Variants in MED15 observed in about 807,000 individuals in gnomAD.
The protein encoded by MED15 is mediator complex subunit 15.
Under a neutral mutation model 118.7 loss-of-function variants are expected in MED15, and 41 were observed. That is an observed-to-expected ratio of 0.35 (90% CI 0.27 to 0.45). The LOEUF (loss-of-function observed/expected upper bound fraction) is 0.45, where lower values mean the gene tolerates loss of function less well. MED15 is among the 20% of genes least tolerant of loss of function. The pLI is 1.00. For synonymous variants in MED15, 436 were observed against 413.9 expected, an observed-to-expected ratio of 1.05 and a Z score of -0.65; for missense variants, 740 against 1,025.5, an observed-to-expected ratio of 0.72 and a Z score of 3.80.
At chr22:20,548,075 G>A (rs1252641477) in intron 2 of MED15, among the ~76,000 whole-genome samples, 2 of 152,110 alleles carry the variant, frequency 1.3e-5, no homozygotes, top group Non-Finnish European at 2.9e-5. Flanking sequence ...ACTCCTGGGT[G>A]TAAGCAATAC....
At chr22:20,521,874 C>CA (rs1457301872) in intron 1 of MED15, among the ~76,000 whole-genome samples, 1 of 151,844 alleles carries the variant, frequency 6.6e-6, no homozygotes, top group African/African-American at 2.4e-5. Flanking sequence ...TACAGGCGTG[C>CA]ACCACCATGC....
At chr22:20,515,224 G>T (rs1376871169) in intron 1 of MED15, among the ~76,000 whole-genome samples, 1 of 152,186 alleles carries the variant, frequency 6.6e-6, no homozygotes, top group African/African-American at 2.4e-5. Context: ...CCTGTTGCAG[G>T]AGTTGACAGA....
intron 1 of MED15, 144 bp from the exon 2 acceptor site, chr22:20,536,973 C>T: frequency 1.6e-6 from 1 of 634,138 alleles, no homozygotes; most frequent in Non-Finnish European, 2.7e-6. Flanking sequence ...TCCCATATGC[C>T]TCTCCTGGAC....
intron 1 of MED15, among the ~76,000 whole-genome samples, chr22:20,536,652 T>C (rs1229402667): frequency 6.6e-6 from 1 of 152,198 alleles, no homozygotes; most frequent in African/African-American, 2.4e-5. Flanking sequence ...GACTGAGAGA[T>C]GACTTCATGT....
chr22:20,525,272 CAG>C (rs1355673882), intron 1 of MED15, among the ~76,000 whole-genome samples: 1 of 151,650 alleles, frequency 6.6e-6, no homozygotes, highest in Non-Finnish European at 1.5e-5. Flanking sequence ...CTGGGCAACA[CAG>C]AGAGCCTGTC....
At chr22:20,518,802 A>G (rs2054341617) in intron 1 of MED15, 2 of 444,562 alleles carry the variant, frequency 4.5e-6, no homozygotes, top group Admixed American at 4.8e-5. Context: ...TCTCATTTTG[A>G]ACTTTTTTCC....
intron 9 of MED15, 127 bp downstream of exon 9, chr22:20,575,359 C>T: frequency 8.0e-7 from 1 of 1,251,094 alleles, no homozygotes; most frequent in African/African-American, 1.5e-5. Context: ...AGTGCCAAAC[C>T]CACAGTCCCT....
At chr22:20,570,448 G>A (rs1283036610) in intron 8 of MED15, among the ~76,000 whole-genome samples, 1 of 148,462 alleles carries the variant, frequency 6.7e-6, no homozygotes, top group East Asian at 2.0e-4. Flanking sequence ...CTGGATTGCA[G>A]TTTTGCGATC....
intron 1 of MED15, among the ~76,000 whole-genome samples, chr22:20,520,166 C>T (rs2054395720): frequency 6.6e-6 from 1 of 152,194 alleles, no homozygotes; most frequent in African/African-American, 2.4e-5. Context: ...AGCCTACGTA[C>T]CCCTTGCTTC....
intron 6 of MED15, 115 bp downstream of exon 6, chr22:20,564,803 C>T (rs1245856823): frequency 1.4e-5 from 21 of 1,514,434 alleles, no homozygotes; most frequent in African/African-American, 2.7e-5. Context: ...TCTCTTGACA[C>T]GTGTGCCTGC....
At chr22:20,555,776 C>T (rs187027940) in intron 5 of MED15, among the ~76,000 whole-genome samples, 19 of 152,370 alleles carry the variant, frequency 1.2e-4, no homozygotes, top group Admixed American at 1.2e-3. Flanking sequence ...CATTGGAGTG[C>T]AGTGGCACAA....
At chr22:20,567,058 G>A (rs1300601931) in intron 7 of MED15, among the ~76,000 whole-genome samples, 3 of 152,168 alleles carry the variant, frequency 2.0e-5, no homozygotes, top group Non-Finnish European at 1.5e-5. Flanking sequence ...TGCTACTGGG[G>A]CACCAAGTCG....
At chr22:20,544,036 T>C (rs4821947) in intron 2 of MED15, among the ~76,000 whole-genome samples, 122,070 of 152,208 alleles carry the variant, frequency 0.8, 49,009 homozygotes, top group East Asian at 0.86. Flanking sequence ...TTCCTTTGTT[T>C]CTTTAGAATC....
intron 3 of MED15, 48 bp from the exon 4 acceptor site, chr22:20,553,097 A>T (rs1461650083): frequency 1.3e-6 from 2 of 1,558,620 alleles, no homozygotes; most frequent in East Asian, 4.5e-5. Context: ...ATATGTGGTT[A>T]TATAAAACTA....
At chr22:20,575,368 C>CTTTTTT in intron 9 of MED15, 136 bp downstream of exon 9, 1 of 882,884 alleles carries the variant, frequency 1.1e-6, no homozygotes, top group Non-Finnish European at 1.6e-6. Flanking sequence ...CCCACAGTCC[C>CTTTTTT]TTTTTTTTTT....
At chr22:20,582,166 CG>C (rs772187378) in intron 9 of MED15, 2 of 227,526 alleles carry the variant, frequency 8.8e-6, no homozygotes, top group Non-Finnish European at 1.7e-5. Flanking sequence ...CTGGGGGCTG[CG>C]GGGGCTTGTG....
chr22:20,547,001 C>T (rs1338906717), intron 2 of MED15, among the ~76,000 whole-genome samples: 1 of 152,154 alleles, frequency 6.6e-6, no homozygotes, highest in Non-Finnish European at 1.5e-5. Context: ...CATAATTTTA[C>T]ACTAATATTT....
rs751130747 is a variant in MED15, at chr22:20,584,317, C to T, written c.1737-42C>T. ...TTGGGATCCTGAGCCTGAGAACTGC[C>T]ATGTCTTCCACTCTTTCAGCCCAAG... On this transcript the variant is annotated intron_variant, in intron 13 of 17. Transcript: ENST00000263205. 5.2e-5 allele frequency: 83 copies of T among 1,599,834 alleles called. 1 individual carries two copies. The South Asian group carries it at 8.8e-4, about 17-fold the overall frequency.
At chr22:20,575,558 G>A (rs1483072183) in intron 9 of MED15, among the ~76,000 whole-genome samples, 1 of 152,022 alleles carries the variant, frequency 6.6e-6, no homozygotes, top group East Asian at 1.9e-4. Context: ...CTAAGCATGT[G>A]TGGCTGTTTA....
Sources: allele counts gnomAD v4.1 joint callset (sites outside exome capture counted in the v4.1 genomes callset), GRCh38; gene constraint gnomAD v4.1.1; transcripts MANE v1.5; gene names NCBI Gene and HGNC (gene_info 2026-07-23, HGNC 2026-07-21).